PAPPA2: variants seen among roughly 807,000 people sequenced by gnomAD.
The protein encoded by PAPPA2 is pappalysin-2.
A neutral mutation model predicts 176.4 loss-of-function variants in PAPPA2; 86 were observed. The ratio of observed to expected loss-of-function variants is 0.49; its 90% confidence interval spans 0.41 to 0.58. The LOEUF is 0.58. PAPPA2 is among the 20% of genes least tolerant of loss of function. The probability of loss-of-function intolerance (pLI) is 0.00; values close to 1 mark genes in which losing one functional copy is unlikely to be tolerated. For synonymous variants in PAPPA2, 809 were observed against 852.2 expected (o/e 0.95, Z 0.88); for missense variants, 2,073 against 2,256.9 (o/e 0.92, Z 1.65).
At chr1:176,581,480 G>A (rs1652955379) in intron 2 of PAPPA2, among the ~76,000 whole-genome samples, 1 of 152,096 alleles carries the variant, frequency 6.6e-6, no homozygotes, top group Non-Finnish European at 1.5e-5. Flanking sequence ...TTAGGATGGT[G>A]TTTTCTATTT....
At chr1:176,610,348 G>GC (rs1360326866) in intron 3 of PAPPA2, among the ~76,000 whole-genome samples, 3 of 136,472 alleles carry the variant, frequency 2.2e-5, no homozygotes, top group East Asian at 5.8e-4. Context: ...TGTGTGTGGG[G>GC]GGGGGGAGTA....
intron 4 of PAPPA2, among the ~76,000 whole-genome samples, chr1:176,684,546 C>T (rs1024314226): frequency 2.6e-5 from 4 of 152,136 alleles, no homozygotes; most frequent in East Asian, 1.9e-4. Context: ...CTCGTCCCTA[C>T]CCCCCCACTC....
intron 8 of PAPPA2, among the ~76,000 whole-genome samples, 198 bp from the exon 9 acceptor site, chr1:176,702,409 A>G (rs913915226): frequency 6.6e-6 from 1 of 152,254 alleles, no homozygotes; most frequent in African/African-American, 2.4e-5. Flanking sequence ...CACAGGGGAT[A>G]CAGAAATAAA....
intron 3 of PAPPA2, among the ~76,000 whole-genome samples, chr1:176,610,943 A>C (rs1188998784): frequency 6.6e-6 from 1 of 152,238 alleles, no homozygotes; most frequent in Non-Finnish European, 1.5e-5. Flanking sequence ...GGAGAGACAG[A>C]CATGTATGCA....
intron 14 of PAPPA2, among the ~76,000 whole-genome samples, chr1:176,760,784 T>C (rs1404109693): frequency 1.3e-5 from 2 of 152,288 alleles, no homozygotes; most frequent in East Asian, 3.9e-4. Flanking sequence ...TGAACAAAAA[T>C]TCCTCAATCA....
rs565403954 is a variant in PAPPA2 at position 176,764,847 on chromosome 1, T to C, written c.4152-819T>C. Among the ~76,000 whole-genome samples the C allele has an allele frequency of 2.2e-4, 33 of 152,290 alleles. No homozygotes were observed. The South Asian group carries it at 5.0e-3, about 23-fold the overall frequency. ...TCCTGACCTCGTGATCCGCCCGCCT[T>C]GGCCTCCCAAAGCGCTGGGATTATG... On this transcript the variant is annotated intron_variant, in intron 14 of 22. Transcript: ENST00000367662.
intron 17 of PAPPA2, among the ~76,000 whole-genome samples, chr1:176,780,535 T>G (rs544845137): frequency 2.6e-5 from 4 of 152,284 alleles, no homozygotes; most frequent in African/African-American, 9.6e-5. Flanking sequence ...ATCTCTGGGT[T>G]CTCACCTGCA....
In PAPPA2 at chr1:176,626,889, CTTTTTTT is replaced by C. The variant is rs547179481; in HGVS notation, c.1991+31307_1991+31313del. ...ACAGCTGAAGATATACCTGTTTTTC[CTTTTTTT>C]TTTTTTTTTTTTGACAAATTTCCAC... On this transcript the variant is annotated intron_variant, in intron 3 of 22. Transcript: ENST00000367662. 7.7e-4 allele frequency among the ~76,000 whole-genome samples: 99 copies of C among 127,762 alleles called. 1 individual carries two copies. The highest frequency in any genetic ancestry group is 2.6e-3 in the African/African-American group (89 of 34,674). 83.8% of individuals were successfully genotyped at this position (127,762 alleles called of 152,430 possible).
intron 10 of PAPPA2, 121 bp downstream of exon 10, chr1:176,706,571 C>G: frequency 1.3e-6 from 1 of 776,522 alleles, no homozygotes; most frequent in Non-Finnish European, 2.1e-6. Flanking sequence ...TGATGTGTCC[C>G]TTGTATGCCA....
intron 1 of PAPPA2, among the ~76,000 whole-genome samples, chr1:176,474,656 G>C (rs1652034924): frequency 6.6e-6 from 1 of 152,176 alleles, no homozygotes; most frequent in South Asian, 2.1e-4. Context: ...TCCTATCCAA[G>C]ACTCACACAC....
At chr1:176,612,786 T>C (rs965336113) in intron 3 of PAPPA2, among the ~76,000 whole-genome samples, 1 of 152,198 alleles carries the variant, frequency 6.6e-6, no homozygotes, top group Non-Finnish European at 1.5e-5. Context: ...AAAAGGCCAC[T>C]TTATGTCCTC....
At chr1:176,788,327 C>A (rs1284229797) in intron 17 of PAPPA2, among the ~76,000 whole-genome samples, 1 of 152,112 alleles carries the variant, frequency 6.6e-6, no homozygotes, top group African/African-American at 2.4e-5. Context: ...ATTTATAAAA[C>A]AATGTGATAA....
intron 17 of PAPPA2, among the ~76,000 whole-genome samples, chr1:176,784,875 C>T (rs538578497): frequency 2.6e-5 from 4 of 152,244 alleles, no homozygotes; most frequent in African/African-American, 7.2e-5. Context: ...CATGAGCCAC[C>T]GCGCCCGGCC....
chr1:176,613,270 G>A (rs920868165), intron 3 of PAPPA2, among the ~76,000 whole-genome samples: 1 of 152,220 alleles, frequency 6.6e-6, no homozygotes, highest in Non-Finnish European at 1.5e-5. Context: ...CTCTAAGGAG[G>A]TGCCACCAGG....
At chr1:176,574,099 T>C (rs1347586643) in intron 2 of PAPPA2, among the ~76,000 whole-genome samples, 3 of 152,140 alleles carry the variant, frequency 2.0e-5, no homozygotes, top group African/African-American at 7.2e-5. Flanking sequence ...ATTTTTACCA[T>C]AGGCAAGATG....
chr1:176,507,218 A>T (rs1393400067), intron 1 of PAPPA2, among the ~76,000 whole-genome samples: 1 of 152,176 alleles, frequency 6.6e-6, no homozygotes, highest in Non-Finnish European at 1.5e-5. Context: ...AGAGAAATAC[A>T]AATCAAAACA....
rs1252279861 is a variant in PAPPA2, at chr1:176,595,617, T to G, written c.1991+22T>G. 3.8e-6 allele frequency: 6 copies of G among 1,583,416 alleles called. No individual in the cohort carries two copies. In the Admixed American group the frequency reaches 1.0e-4, roughly 27 times the overall value. ...AGAGGTAAGGGACTGGGATTTGGGG[T>G]GTCCTACTTGTAGGATGCATTTCTA... On this transcript the variant is annotated intron_variant, in intron 3 of 22. Transcript: ENST00000367662.
Position 176,795,147 on chromosome 1 carries a change from C to T in PAPPA2, c.5130+1478C>T, listed in dbSNP as rs532508175. 2.6e-5 allele frequency among the ~76,000 whole-genome samples: 4 copies of T among 152,330 alleles called. No homozygotes were observed. In the South Asian group the frequency reaches 8.3e-4, roughly 32 times the overall value. ...GCACCCAGCAAGTGGGAGAAGCTCC[C>T]TCAGACTTTCACTAGAGGCACTTTT... On this transcript the variant is annotated intron_variant, in intron 20 of 22. Coordinates refer to ENST00000367662, the MANE Select transcript of PAPPA2 (RefSeq NM_020318.3).
rs566225303 is a variant in PAPPA2 at position 176,463,214 on chromosome 1, C to T, written c.-1121C>T. 2 of 152,318 alleles carry T rather than the reference C, an allele frequency of 1.3e-5. No individual in the cohort carries two copies. Among genetic ancestry groups the T allele is most frequent in the African/African-American group, 2.4e-5 (1 of 41,562 alleles). The allele number at this position is 152,318 out of a possible 1,614,324, so 9.4% of individuals were successfully genotyped here. ...TGAGTAGGCACACACTCCCTTTTCTCGGGTGTGTACTTTTTGCTTTGTGAT... is the reference window on the plus strand; with the variant it reads ...TGAGTAGGCACACACTCCCTTTTCTTGGGTGTGTACTTTTTGCTTTGTGAT... On this transcript the variant is annotated 5_prime_UTR_variant, in exon 1 of 23. Coordinates refer to ENST00000367662, the MANE Select transcript of PAPPA2 (RefSeq NM_020318.3).
Sources: allele counts gnomAD v4.1 joint callset (sites outside exome capture counted in the v4.1 genomes callset), GRCh38; gene constraint gnomAD v4.1.1; transcripts MANE v1.5; gene names NCBI Gene and HGNC (gene_info 2026-07-23, HGNC 2026-07-21).